The following CATSPERE variants were observed in gnomAD, a reference collection of about 807,000 sequenced individuals.
The protein encoded by CATSPERE is catsper channel auxiliary subunit epsilon.
Under a neutral mutation model 114.1 loss-of-function variants are expected in CATSPERE, and 93 were observed. The observed-to-expected ratio is 0.81, with a 90% CI of 0.69 to 0.97. The LOEUF (loss-of-function observed/expected upper bound fraction) is 0.97. CATSPERE is among the 50% of genes least tolerant of loss of function. CATSPERE has a pLI of 0.00. For synonymous variants in CATSPERE, 341 were observed against 384.1 expected, an observed-to-expected ratio of 0.89 and a Z score of 1.31; for missense variants, 1,058 against 1,131.6, an observed-to-expected ratio of 0.93 and a Z score of 0.93.
At position 244,640,140 on chromosome 1, in the gene CATSPERE, A is replaced by G; in HGVS notation, c.*59A>G. The G allele has an allele frequency of 7.6e-7, 1 of 1,323,812 alleles. No homozygotes were observed. The allele number at this position is 1,323,812 out of a possible 1,614,324, so 82.0% of individuals were successfully genotyped here. On this transcript the variant is annotated 3_prime_UTR_variant, in exon 22 of 22. Coordinates refer to ENST00000366534, the MANE Select transcript of CATSPERE (RefSeq NM_001130957.2). The stretch of plus-strand genomic sequence containing the variant: ...CATATAGAGAAACAGTGTATTACAT[A>G]GTGATATTGAGAGTGTGTGTTTGAC...
chr1:244,564,610 G>A (rs1014021336), intron 10 of CATSPERE, among the ~76,000 whole-genome samples: 10 of 152,244 alleles, frequency 6.6e-5, no homozygotes, highest in Admixed American at 2.6e-4. Flanking sequence ...ATCTTGAGAC[G>A]TTGCTGAAGT....
At chr1:244,543,508 T>C (rs1173615612) in intron 8 of CATSPERE, among the ~76,000 whole-genome samples, 1 of 151,812 alleles carries the variant, frequency 6.6e-6, no homozygotes, top group Non-Finnish European at 1.5e-5. Context: ...AAGGAGGAAG[T>C]ATTAATCAAA....
intron 19 of CATSPERE, among the ~76,000 whole-genome samples, chr1:244,614,491 T>C (rs57407368): frequency 0.18 from 26,859 of 152,180 alleles, 2,436 homozygotes; most frequent in South Asian, 0.2. Context: ...CTGTCCACCT[T>C]GTGATCTCCT....
intron 17 of CATSPERE, among the ~76,000 whole-genome samples, chr1:244,595,600 G>A (rs1029467934): frequency 1.3e-5 from 2 of 152,164 alleles, no homozygotes; most frequent in African/African-American, 4.8e-5. Flanking sequence ...ACCACGGAAG[G>A]CCTTCTATCA....
Position 244,633,366 on chromosome 1 carries a change from C to T in CATSPERE, c.2649-2123C>T, listed in dbSNP as rs141221105. 6.8e-3 allele frequency among the ~76,000 whole-genome samples: 1,043 copies of T among 152,282 alleles called. 4 individuals are homozygous for T. The highest frequency in any genetic ancestry group is 0.034 in the Middle Eastern group (10 of 294). On this transcript the variant is annotated intron_variant, in intron 20 of 21. Coordinates refer to ENST00000366534, the MANE Select transcript of CATSPERE (RefSeq NM_001130957.2). This position sits in a 1 kb window ranked among gnomAD's most constrained non-coding sequence, Gnocchi z 4.1. ...ATCACAATTTCATTCTATCAAAGGT[C>T]AACTTGGCCCTCTTTTCAGTCACAA...
chr1:244,453,660 C>A (rs1256940650), upstream of CATSPERE, among the ~76,000 whole-genome samples: 1 of 152,192 alleles, frequency 6.6e-6, no homozygotes, highest in Non-Finnish European at 1.5e-5. Context: ...GTGCTGCCAA[C>A]CCAGTGTGCA....
chr1:244,534,214 A>T (rs1316568032), intron 8 of CATSPERE, among the ~76,000 whole-genome samples: 2 of 151,980 alleles, frequency 1.3e-5, no homozygotes, highest in African/African-American at 4.8e-5. Flanking sequence ...CCTTTATAGT[A>T]GTTTGATATT....
intron 5 of CATSPERE, among the ~76,000 whole-genome samples, chr1:244,490,181 C>T (rs968895883): frequency 7.9e-5 from 12 of 151,956 alleles, no homozygotes; most frequent in African/African-American, 1.9e-4. Flanking sequence ...TTAGCGTGAG[C>T]GGTTTTGGTG....
chr1:244,518,614 A>G lies in CATSPERE; in HGVS notation c.452A>G (p.Gln151Arg). The change falls in exon 8 of 22, where the codon CAG (glutamine) becomes CGG (arginine). Residue 151 changes from glutamine (Q) to arginine (R), a missense_variant. Transcript: ENST00000366534. ...PSINSIVLST[Q>R]MATLGQKPVI... ...CAGAATTCCATAGTACTCAGCACAC[A>G]GATGGCCACATTGGGACAGAAGCCT... The G allele has an allele frequency of 6.3e-7, 1 of 1,593,886 alleles. No homozygotes were observed. Among genetic ancestry groups the G allele is most frequent in the Non-Finnish European group, 8.6e-7 (1 of 1,163,788 alleles).
chr1:244,512,400 ATATC>A (rs1220515019), intron 7 of CATSPERE, among the ~76,000 whole-genome samples: 1 of 151,954 alleles, frequency 6.6e-6, no homozygotes, highest in East Asian at 1.9e-4. Context: ...TTTTTCTTTA[ATATC>A]TATCTGTTTG....
intron 20 of CATSPERE, among the ~76,000 whole-genome samples, chr1:244,618,234 G>A (rs554455398): frequency 2.6e-5 from 4 of 152,234 alleles, no homozygotes; most frequent in East Asian, 3.9e-4. Context: ...CACTAATAAC[G>A]GAATGGAGCT....
chr1:244,478,158 A>G (rs545641019), intron 4 of CATSPERE, among the ~76,000 whole-genome samples, 183 bp downstream of exon 4: 35 of 152,298 alleles, frequency 2.3e-4, no homozygotes, highest in Non-Finnish European at 4.0e-4. Context: ...GATATATCTC[A>G]TGTTAAATTC....
chr1:244,454,308 A>G (rs910534692), upstream of CATSPERE: 2 of 152,316 alleles, frequency 1.3e-5, no homozygotes, highest in East Asian at 3.9e-4. Context: ...CCAAAGAGAA[A>G]AAGTTTTTGA....
intron 11 of CATSPERE, among the ~76,000 whole-genome samples, chr1:244,574,182 G>A (rs1429598397): frequency 1.3e-5 from 2 of 152,174 alleles, no homozygotes; most frequent in Non-Finnish European, 2.9e-5. Context: ...GAAAAAAGGA[G>A]GTTGCTTACG....
Position 244,573,529 on chromosome 1 carries a change from T to C in CATSPERE, c.1950+757T>C, listed in dbSNP as rs1664789456. ...TTCATCTGGGTTCGTGGATGTGATG[T>C]GGGCATCTGCTAATTCGTCTGCAAC... On this transcript the variant is annotated intron_variant, in intron 11 of 21. Coordinates refer to ENST00000366534, the MANE Select transcript of CATSPERE (RefSeq NM_001130957.2). The surrounding 1 kb of genome is among the most constrained non-coding windows in gnomAD (Gnocchi z 4.0). Among the ~76,000 whole-genome samples the C allele has an allele frequency of 6.6e-6, 1 of 152,186 alleles. No individual in the cohort carries two copies. The highest frequency in any genetic ancestry group is 6.5e-5 in the Admixed American group (1 of 15,276).
upstream of CATSPERE, among the ~76,000 whole-genome samples, chr1:244,460,271 A>T (rs1666554357): frequency 6.6e-6 from 1 of 152,202 alleles, no homozygotes; most frequent in Non-Finnish European, 1.5e-5. Flanking sequence ...GGAGTCATGC[A>T]GCTGGAGGAT....
rs186791963 is a variant in CATSPERE, at chr1:244,607,195, A to G, written c.2403+1401A>G. Among the ~76,000 whole-genome samples, 185 of 152,208 alleles carry G rather than the reference A, an allele frequency of 1.2e-3. 1 individual carries two copies. The highest frequency in any genetic ancestry group is 4.1e-3 in the African/African-American group (169 of 41,540). On this transcript the variant is annotated intron_variant, in intron 18 of 21. Coordinates refer to ENST00000366534, the MANE Select transcript of CATSPERE (RefSeq NM_001130957.2). This position sits in a 1 kb window ranked among gnomAD's most constrained non-coding sequence, Gnocchi z 4.4. Reference sequence around the variant, plus strand: ...CCAAGAGTACTCTTTCTCTCACCCCATATACTTAAGGGTGAGATTTGGGGT... The same window carrying G: ...CCAAGAGTACTCTTTCTCTCACCCCGTATACTTAAGGGTGAGATTTGGGGT...
At chr1:244,512,920 G>T (rs1233903651) in intron 7 of CATSPERE, among the ~76,000 whole-genome samples, 1 of 152,212 alleles carries the variant, frequency 6.6e-6, no homozygotes, top group Non-Finnish European at 1.5e-5. Flanking sequence ...GTGGGGCTTT[G>T]TTGGGGACAG....
intron 8 of CATSPERE, among the ~76,000 whole-genome samples, chr1:244,535,470 C>G (rs977250242): frequency 6.6e-6 from 1 of 152,230 alleles, no homozygotes; most frequent in African/African-American, 2.4e-5. Context: ...ACTCAAACCA[C>G]AAGACATAGC....
Sources: gnomAD v4.1 joint callset for allele counts (sites outside exome capture counted in the v4.1 genomes callset) on GRCh38, gnomAD v4.1.1 for gene constraint, Gnocchi (gnomAD v3.1) non-coding constraint, MANE v1.5 for transcripts, NCBI Gene and HGNC (gene_info 2026-07-23, HGNC 2026-07-21) for gene names.